The following GTF2H1 variants were observed in gnomAD, a reference collection of about 807,000 sequenced individuals.
The protein encoded by GTF2H1 is general transcription factor IIH subunit 1, also known as BTF2 p62.
Under a neutral mutation model 71.2 loss-of-function variants are expected in GTF2H1, and 16 were observed. The observed-to-expected ratio is 0.22, with a 90% CI of 0.15 to 0.34. The LOEUF (loss-of-function observed/expected upper bound fraction) is 0.34. Ranked by LOEUF, GTF2H1 falls within the 10% of genes least tolerant of loss-of-function variation. The pLI is 1.00. For synonymous variants in GTF2H1, 215 were observed against 219.0 expected (o/e 0.98, Z 0.16); for missense variants, 498 against 648.2 (o/e 0.77, Z 2.52).
intron 11 of GTF2H1, among the ~76,000 whole-genome samples, chr11:18,354,002 C>G (rs984920617): frequency 3.3e-5 from 5 of 152,184 alleles, no homozygotes; most frequent in African/African-American, 1.2e-4. Context: ...CTTGGTCCAG[C>G]AGACAAGCTG....
At chr11:18,358,358 T>G (rs1489431838) in intron 12 of GTF2H1, among the ~76,000 whole-genome samples, 167 bp from the exon 13 acceptor site, 1 of 152,242 alleles carries the variant, frequency 6.6e-6, no homozygotes, top group East Asian at 1.9e-4. Flanking sequence ...CTTTTAAATT[T>G]TATGATCTCT....
intron 11 of GTF2H1, among the ~76,000 whole-genome samples, chr11:18,354,500 T>C (rs952327326): frequency 6.6e-6 from 1 of 151,576 alleles, no homozygotes; most frequent in Non-Finnish European, 1.5e-5. Flanking sequence ...GGCACAGTCA[T>C]AGCTCCGTTC....
At chr11:18,324,429 T>A (rs1390058001) in intron 1 of GTF2H1, 1 of 152,244 alleles carries the variant, frequency 6.6e-6, no homozygotes, top group Non-Finnish European at 1.5e-5. Flanking sequence ...AAGAATCAGT[T>A]AAAAGTAGTG....
chr11:18,355,490 A>AATAC (rs10694247), intron 11 of GTF2H1, among the ~76,000 whole-genome samples: 1 of 151,176 alleles, frequency 6.6e-6, no homozygotes, highest in African/African-American at 2.4e-5. Context: ...CAGTAAAATA[A>AATAC]ATAAATAAAT....
intron 11 of GTF2H1, among the ~76,000 whole-genome samples, chr11:18,357,311 G>A (rs1180168761): frequency 6.6e-6 from 1 of 152,200 alleles, no homozygotes. Context: ...ACAGTGGGGA[G>A]TATATTTTTC....
intron 8 of GTF2H1, 47 bp downstream of exon 8, chr11:18,347,762 C>G: frequency 6.2e-7 from 1 of 1,601,432 alleles, no homozygotes; most frequent in Non-Finnish European, 8.5e-7. Context: ...TTCAGGATAT[C>G]CAGATGGAGT....
At position 18,333,193 on chromosome 11, in the gene GTF2H1, G is replaced by A. The variant is rs758766867; in HGVS notation, c.119G>A (p.Arg40Lys). 1.2e-6 allele frequency: 2 copies of A among 1,613,668 alleles called. No homozygotes were observed. The highest frequency in any genetic ancestry group is 1.7e-6 in the Non-Finnish European group (2 of 1,179,736). ...GCTTGGGCACCTGAAGGCAAAGATA[G>A]ATTTACAATCAGCCATATGTATGCA... ...RIAWAPEGKDRFTISHMYADI... is the reference protein window; with the variant it reads ...RIAWAPEGKDKFTISHMYADI... The change falls in exon 2 of 15, where the codon AGA becomes AAA. Residue 40 changes from arginine to lysine, a missense_variant. Arg to Lys is a conservative substitution (Grantham distance 26). This residue lies in a region of GTF2H1 where 216 missense variants were observed against 306.2 expected (regional missense o/e 0.71). Transcript: ENST00000265963.
intron 4 of GTF2H1, among the ~76,000 whole-genome samples, 163 bp from the exon 5 acceptor site, chr11:18,339,401 T>C (rs548929374): frequency 6.6e-6 from 1 of 152,340 alleles, no homozygotes; most frequent in South Asian, 2.1e-4. Flanking sequence ...CAGTCAGGCT[T>C]TTTTGAGTCC....
Position 18,366,814 on chromosome 11 carries a change from A to T in GTF2H1, c.*945A>T, listed in dbSNP as rs1327329058. The T allele has an allele frequency of 1.3e-5, 2 of 151,414 alleles. No individual in the cohort carries two copies. Among genetic ancestry groups the T allele is most frequent in the African/African-American group, 4.9e-5 (2 of 41,178 alleles). The allele number at this position is 151,414 out of a possible 1,614,324, so 9.4% of individuals were successfully genotyped here. On this transcript the variant is annotated 3_prime_UTR_variant, in exon 15 of 15. Coordinates refer to ENST00000265963, the MANE Select transcript of GTF2H1 (RefSeq NM_005316.4). ...AGAAGAAATAAAAGATGTTTCTCCTATCTCCTTTTCTCTAGTATTTGACTG... is the reference window on the plus strand; with the variant it reads ...AGAAGAAATAAAAGATGTTTCTCCTTTCTCCTTTTCTCTAGTATTTGACTG...
At chr11:18,348,198 T>A in intron 9 of GTF2H1, 2 of 423,814 alleles carry the variant, frequency 4.7e-6, no homozygotes, top group Non-Finnish European at 8.3e-6. Context: ...ATTGTTCTTA[T>A]ATGTGATTTT....
chr11:18,365,261 C>T (rs533826610), intron 14 of GTF2H1, among the ~76,000 whole-genome samples: 1 of 151,944 alleles, frequency 6.6e-6, no homozygotes, highest in Non-Finnish European at 1.5e-5. Flanking sequence ...GGTTGTAATC[C>T]TAGCTACTCG....
In GTF2H1 at chr11:18,338,237, A is replaced by G. The variant is rs151079152; in HGVS notation, c.476A>G (p.Asn159Ser). 524 of 1,610,228 alleles carry G rather than the reference A, an allele frequency of 3.3e-4. 3 individuals carry two copies. The highest frequency in any genetic ancestry group is 8.0e-4 in the Admixed American group (48 of 60,002). The change falls in exon 4 of 15, where the codon AAT (asparagine) becomes AGT (serine). Residue 159 changes from asparagine (N) to serine (S), a missense_variant. By Grantham distance (46) the Asn-to-Ser change is conservative. This residue lies in a region of GTF2H1 where 216 missense variants were observed against 306.2 expected (regional missense o/e 0.71). Transcript: ENST00000265963. Reference protein sequence around the residue: ...VNATDSSSTSNHKQDVGISAA... With the variant: ...VNATDSSSTSSHKQDVGISAA... Reference sequence around the variant, plus strand: ...GCAACAGATAGTTCTTCCACATCCAATCATAAGCAGGATGTTGGCATTTCT... The same window carrying G: ...GCAACAGATAGTTCTTCCACATCCAGTCATAAGCAGGATGTTGGCATTTCT...
At chr11:18,338,779 AT>A (rs1056308961) in intron 4 of GTF2H1, among the ~76,000 whole-genome samples, 1 of 151,960 alleles carries the variant, frequency 6.6e-6, no homozygotes, top group Admixed American at 6.6e-5. Context: ...AATACATATA[AT>A]TTTTTTTAAA....
intron 3 of GTF2H1, among the ~76,000 whole-genome samples, chr11:18,337,183 CT>C (rs1309707440): frequency 6.6e-6 from 1 of 152,174 alleles, no homozygotes; most frequent in Non-Finnish European, 1.5e-5. Context: ...AGTCTCAGCA[CT>C]TTTCGAGGCT....
chr11:18,355,910 A>G (rs1271867713), intron 11 of GTF2H1, among the ~76,000 whole-genome samples: 2 of 152,150 alleles, frequency 1.3e-5, no homozygotes, highest in African/African-American at 4.8e-5. Context: ...GCCCCTTTAC[A>G]GTCAAACCCT....
At chr11:18,348,285 A>T (rs1257652711) in intron 9 of GTF2H1, 4 of 353,512 alleles carry the variant, frequency 1.1e-5, no homozygotes, top group Non-Finnish European at 2.0e-5. Flanking sequence ...ATGATTTTTC[A>T]AAGAAAGTGA....
chr11:18,363,463 T>A (rs1021179238), intron 14 of GTF2H1, among the ~76,000 whole-genome samples: 1 of 152,148 alleles, frequency 6.6e-6, no homozygotes, highest in African/African-American at 2.4e-5. Flanking sequence ...TCAGCTCTAT[T>A]ATAATCTGAT....
intron 9 of GTF2H1, chr11:18,348,762 T>A (rs530545587): frequency 6.6e-6 from 1 of 152,236 alleles, no homozygotes; most frequent in Non-Finnish European, 1.5e-5. Flanking sequence ...AAAAATAGTT[T>A]GTGAGCTTTA....
At chr11:18,342,868 T>TA (rs1279482613) in intron 7 of GTF2H1, among the ~76,000 whole-genome samples, 3 of 152,192 alleles carry the variant, frequency 2.0e-5, no homozygotes, top group African/African-American at 7.2e-5. Flanking sequence ...CTAGCTGACT[T>TA]AGATTCTGAT....
Sources: allele counts gnomAD v4.1 joint callset (sites outside exome capture counted in the v4.1 genomes callset), GRCh38; gene constraint gnomAD v4.1.1; regional missense constraint gnomAD v4.1.1; transcripts MANE v1.5; gene names NCBI Gene and HGNC (gene_info 2026-07-23, HGNC 2026-07-21).